The following DCTN4 variants were observed in gnomAD, a reference collection of about 807,000 sequenced individuals.
The protein encoded by DCTN4 is dynactin subunit 4, also known as dynactin 4 (p62).
In DCTN4, 23 loss-of-function variants were observed where a neutral mutation model predicts 62.7. The observed-to-expected ratio is 0.37, with a 90% CI of 0.26 to 0.52. DCTN4 has a LOEUF of 0.52. Among genes scored for constraint, DCTN4 ranks in the 20% least tolerant of loss-of-function variants. DCTN4 has a pLI of 0.92. For synonymous variants in DCTN4, 199 were observed against 202.1 expected (o/e 0.98, Z 0.13); for missense variants, 514 against 580.4 (o/e 0.89, Z 1.18).
chr5:150,734,109 A>C (rs759402313), intron 4 of DCTN4: 6 of 152,166 alleles, frequency 3.9e-5, no homozygotes, highest in Admixed American at 2.0e-4. Context: ...GCAAAAAAAA[A>C]ATGGCAGATA....
chr5:150,731,753 A>G (rs981286176), intron 5 of DCTN4: 1 of 839,298 alleles, frequency 1.2e-6, no homozygotes, highest in African/African-American at 1.7e-5. Context: ...CTAGTAATCT[A>G]AAAGTATCTA....
At chr5:150,712,212 CTCCGCCTCCTGGGTTCCAGCGA>C (rs1033293607) in intron 12 of DCTN4, among the ~76,000 whole-genome samples, 1 of 152,142 alleles carries the variant, frequency 6.6e-6, no homozygotes, top group African/African-American at 2.4e-5. Flanking sequence ...TCACCGCAAC[CTCCGCCTCCTGGGTTCCAGCGA>C]TTCTCCTGCC....
At position 150,708,598 on chromosome 5, in the gene DCTN4, C is replaced by G. The variant is rs1759455711; in HGVS notation, c.*2551G>C. ...TACTTATATATTATGGTGAACTAAC[C>G]TGCTAAGAGATTTTAGATTACTTCA... On this transcript the variant is annotated 3_prime_UTR_variant, in exon 13 of 13. Transcript: ENST00000447998. 1 of 152,688 alleles carries G rather than the reference C, an allele frequency of 6.5e-6. No homozygotes were observed. The highest frequency in any genetic ancestry group is 1.5e-5 in the Non-Finnish European group (1 of 68,036). The allele number at this position is 152,688 out of a possible 1,614,324, so 9.5% of individuals were successfully genotyped here. A position where few individuals can be genotyped will look rare whatever the true frequency, so the allele number is the denominator to read the frequency against.
chr5:150,758,824 C>G (rs775645320), intron 1 of DCTN4, 35 bp downstream of exon 1: 21 of 1,606,786 alleles, frequency 1.3e-5, no homozygotes, highest in Non-Finnish European at 1.5e-5. Context: ...GCGCCCCCCC[C>G]ACCCCACATA....
intron 2 of DCTN4, among the ~76,000 whole-genome samples, chr5:150,753,892 T>C (rs772362673): frequency 5.3e-5 from 8 of 152,188 alleles, no homozygotes; most frequent in Non-Finnish European, 8.8e-5. Flanking sequence ...GAGAGAACCA[T>C]TGTTAACAGA....
intron 9 of DCTN4, 57 bp from the exon 10 acceptor site, chr5:150,719,827 TA>T: frequency 8.5e-7 from 1 of 1,182,062 alleles, no homozygotes; most frequent in Non-Finnish European, 1.2e-6. Flanking sequence ...AAATTATTAT[TA>T]TTTTTTAAAG....
At chr5:150,756,529 TCA>T in intron 1 of DCTN4, 42 bp from the exon 2 acceptor site, 1 of 1,319,232 alleles carries the variant, frequency 7.6e-7, no homozygotes, top group Non-Finnish European at 1.1e-6. Flanking sequence ...AGAGGAGAAC[TCA>T]GTTTAACTTG....
chr5:150,737,984 A>G (rs1389423053), intron 4 of DCTN4, among the ~76,000 whole-genome samples: 1 of 152,190 alleles, frequency 6.6e-6, no homozygotes, highest in Middle Eastern at 3.2e-3. Flanking sequence ...GCTACCATGA[A>G]CACCTTTATG....
chr5:150,756,600 A>C (rs1752872976), intron 1 of DCTN4, 113 bp from the exon 2 acceptor site: 1 of 518,338 alleles, frequency 1.9e-6, no homozygotes, highest in African/African-American at 2.0e-5. Context: ...CAGAAAGTAG[A>C]CTGTTTTCTG....
chr5:150,715,823 A>C (rs1759738392), intron 11 of DCTN4, among the ~76,000 whole-genome samples, 161 bp from the exon 12 acceptor site: 1 of 152,238 alleles, frequency 6.6e-6, no homozygotes, highest in African/African-American at 2.4e-5. Flanking sequence ...AGAGAAAGCT[A>C]AGTTAGTACT....
intron 3 of DCTN4, 31 bp downstream of exon 3, chr5:150,753,448 A>C (rs764750807): frequency 6.2e-7 from 1 of 1,602,944 alleles, no homozygotes; most frequent in South Asian, 1.1e-5. Flanking sequence ...TCAATTGTAC[A>C]AAATTTCATA....
chr5:150,756,039 C>CT (rs777641858), intron 2 of DCTN4, among the ~76,000 whole-genome samples: 2,765 of 124,968 alleles, frequency 0.022, 42 homozygotes, highest in Middle Eastern at 0.036. Flanking sequence ...TTTCATGTGT[C>CT]TTTTTTTTTT....
At position 150,724,803 on chromosome 5, in the gene DCTN4, T is replaced by C. The variant is rs575168880; in HGVS notation, c.835-1823A>G. The stretch of plus-strand genomic sequence containing the variant: ...TTTGTTTATATGTACATTTGTACTT[T>C]CCCTCCTTTTTTATACAGAAAAAGT... On this transcript the variant is annotated intron_variant, in intron 8 of 12. Transcript: ENST00000447998. 2.6e-5 allele frequency among the ~76,000 whole-genome samples: 4 copies of C among 152,342 alleles called. No individual in the cohort carries two copies. In the East Asian group the frequency reaches 5.8e-4, roughly 22 times the overall value.
At chr5:150,729,469 C>T (rs1215979381) in intron 8 of DCTN4, among the ~76,000 whole-genome samples, 1 of 152,068 alleles carries the variant, frequency 6.6e-6, no homozygotes, top group Non-Finnish European at 1.5e-5. Flanking sequence ...TTACCCATTC[C>T]TCATCCCTCA....
rs143251166 is a variant in DCTN4, at chr5:150,752,547, T to C, written c.385+932A>G. ...AATGTTTTAAAATTGGTCTCCAAGATAGACTACCATAGTGTATGAGAGAAC... is the reference window on the plus strand; with the variant it reads ...AATGTTTTAAAATTGGTCTCCAAGACAGACTACCATAGTGTATGAGAGAAC... On this transcript the variant is annotated intron_variant, in intron 3 of 12. Transcript: ENST00000447998. 1.2e-4 allele frequency among the ~76,000 whole-genome samples: 18 copies of C among 152,360 alleles called. No homozygotes were observed. In the East Asian group the frequency reaches 2.1e-3, roughly 18 times the overall value.
At chr5:150,748,792 T>C (rs1471029889) in intron 3 of DCTN4, among the ~76,000 whole-genome samples, 1 of 50,242 alleles carries the variant, frequency 2.0e-5, no homozygotes, top group Non-Finnish European at 3.8e-5. Context: ...TGTTGTGGGG[T>C]GGGGGGAGGG....
chr5:150,715,478 TA>T, intron 12 of DCTN4, 86 bp downstream of exon 12: 2 of 1,035,370 alleles, frequency 1.9e-6, no homozygotes, highest in Non-Finnish European at 2.8e-6. Flanking sequence ...AAAGTTATTT[TA>T]AAAAATCCAG....
At chr5:150,752,008 T>C (rs1450818370) in intron 3 of DCTN4, among the ~76,000 whole-genome samples, 1 of 152,178 alleles carries the variant, frequency 6.6e-6, no homozygotes, top group Non-Finnish European at 1.5e-5. Flanking sequence ...CCTCATTTAT[T>C]AGTCAATAAG....
At chr5:150,726,361 T>A (rs1423758482) in intron 8 of DCTN4, among the ~76,000 whole-genome samples, 1 of 152,110 alleles carries the variant, frequency 6.6e-6, no homozygotes, top group East Asian at 1.9e-4. Flanking sequence ...TGCTGCTGGA[T>A]ACTCTAACAG....
Sources: gnomAD v4.1 joint callset for allele counts (sites outside exome capture counted in the v4.1 genomes callset) on GRCh38, gnomAD v4.1.1 for gene constraint, MANE v1.5 for transcripts, NCBI Gene and HGNC (gene_info 2026-07-23, HGNC 2026-07-21) for gene names.